The following DAB1 variants were observed in gnomAD, a reference collection of about 807,000 sequenced individuals.
The protein encoded by DAB1 is DAB adaptor protein 1.
DAB1 carries 15 observed loss-of-function variants against 64.6 expected under a neutral mutation model. The observed-to-expected ratio is 0.23, with a 90% CI of 0.16 to 0.36. DAB1 has a LOEUF of 0.36. Among genes scored for constraint, DAB1 ranks in the 10% least tolerant of loss-of-function variants. The pLI is 1.00. For synonymous variants in DAB1, 235 were observed against 251.9 expected (o/e 0.93, Z 0.64); for missense variants, 596 against 706.7 (o/e 0.84, Z 1.78).
chr1:58,304,875 A>G (rs1332495896), intron 4 of DAB1, among the ~76,000 whole-genome samples: 1 of 152,104 alleles, frequency 6.6e-6, no homozygotes, highest in African/African-American at 2.4e-5. Flanking sequence ...CTCTTTTCAC[A>G]TGCATATGTT....
intron 4 of DAB1, among the ~76,000 whole-genome samples, chr1:57,078,836 C>G (rs940986257): frequency 6.6e-6 from 1 of 152,150 alleles, no homozygotes; most frequent in Non-Finnish European, 1.5e-5. Flanking sequence ...TCTTTAATTA[C>G]TTATCCAGAA....
At chr1:57,940,959 T>A (rs1645095852) in intron 5 of DAB1, among the ~76,000 whole-genome samples, 2 of 152,198 alleles carry the variant, frequency 1.3e-5, no homozygotes, top group Admixed American at 6.5e-5. Flanking sequence ...ATGCTTATGA[T>A]CCATCCACTT....
At position 57,668,043 on chromosome 1, in the gene DAB1, T is replaced by A. The variant is rs185583246; in HGVS notation, n.552-18378A>T. 1.5e-3 allele frequency among the ~76,000 whole-genome samples: 231 copies of A among 150,736 alleles called. 2 individuals are homozygous for A. The highest frequency in any genetic ancestry group is 5.4e-3 in the African/African-American group (223 of 41,382). ...CTTAAAGTAAAATTTAAAAAAAAAT[T>A]TTTAAAAAGAAATATGGCTAGTGTG... On this transcript the variant is annotated intron_variant and non_coding_transcript_variant, in intron 6 of 20. Coordinates refer to the DAB1 transcript ENST00000485760.
At chr1:57,052,895 G>C (rs923256071) in intron 9 of DAB1, among the ~76,000 whole-genome samples, 4 of 152,244 alleles carry the variant, frequency 2.6e-5, no homozygotes, top group African/African-American at 9.6e-5. Context: ...ATTTAGCCCA[G>C]ATGTTCACTC....
intron 1 of DAB1, chr1:57,865,015 T>C (rs1319653586): frequency 6.6e-6 from 1 of 152,186 alleles, no homozygotes; most frequent in Non-Finnish European, 1.5e-5. Context: ...AGTTTACTTC[T>C]TGTTTGCAAA....
chr1:57,602,336 A>C (rs1318569857), intron 7 of DAB1, among the ~76,000 whole-genome samples: 1 of 152,196 alleles, frequency 6.6e-6, no homozygotes, highest in Non-Finnish European at 1.5e-5. Flanking sequence ...CATTCACAAG[A>C]GAGTTCAGTT....
intron 7 of DAB1, among the ~76,000 whole-genome samples, chr1:57,628,759 T>C (rs921373609): frequency 1.2e-4 from 18 of 152,230 alleles, no homozygotes; most frequent in African/African-American, 4.3e-4. Flanking sequence ...TTCCAGGTGT[T>C]ACAGCTTATT....
At chr1:58,283,960 A>G (rs1341939792) in intron 4 of DAB1, among the ~76,000 whole-genome samples, 1 of 152,208 alleles carries the variant, frequency 6.6e-6, no homozygotes, top group African/African-American at 2.4e-5. Context: ...TGTGAAAGGC[A>G]CAAATTGATG....
intron 4 of DAB1, among the ~76,000 whole-genome samples, chr1:58,231,025 A>G (rs1271824505): frequency 6.6e-6 from 1 of 152,224 alleles, no homozygotes; most frequent in South Asian, 2.1e-4. Flanking sequence ...TCACTTTGCA[A>G]TGGGGACGAT....
rs529551470 is a variant in DAB1 at position 57,557,845 on chromosome 1, C to T, written n.625+91747G>A. Among the ~76,000 whole-genome samples, 10 of 152,230 alleles carry T rather than the reference C, an allele frequency of 6.6e-5. 1 individual carries two copies. The South Asian group carries it at 2.1e-3, about 32-fold the overall frequency. ...GTTGGTTGCTCCTAAGTTCAGTGGA[C>T]AAAGTGATGAAAGAAAATGATAAAC... On this transcript the variant is annotated intron_variant and non_coding_transcript_variant, in intron 7 of 20. Transcript: ENST00000485760.
intron 1 of DAB1, among the ~76,000 whole-genome samples, chr1:57,302,099 A>G (rs1673710856): frequency 6.6e-6 from 1 of 152,344 alleles, no homozygotes; most frequent in Middle Eastern, 3.4e-3. Flanking sequence ...TAAAATGGAT[A>G]CATGGATGGC....
At chr1:58,490,792 A>ATT (rs1557438593) in intron 3 of DAB1, among the ~76,000 whole-genome samples, 13 of 97,272 alleles carry the variant, frequency 1.3e-4, no homozygotes, top group East Asian at 3.5e-4. Flanking sequence ...AATAGTCAAC[A>ATT]TTCTTTTTTT....
intron 6 of DAB1, among the ~76,000 whole-genome samples, chr1:57,817,557 C>T (rs1056196968): frequency 6.6e-6 from 1 of 152,172 alleles, no homozygotes; most frequent in Non-Finnish European, 1.5e-5. Context: ...ACGAGCAGGT[C>T]ACACTTCTTG....
At chr1:57,026,536 A>G (rs573716675) in intron 9 of DAB1, among the ~76,000 whole-genome samples, 1 of 152,274 alleles carries the variant, frequency 6.6e-6, no homozygotes, top group African/African-American at 2.4e-5. Context: ...ATTTTTACAA[A>G]TAAATAAACT....
intron 4 of DAB1, among the ~76,000 whole-genome samples, chr1:58,177,363 G>A (rs1053187793): frequency 3.3e-5 from 5 of 152,094 alleles, no homozygotes; most frequent in African/African-American, 7.2e-5. Context: ...GAATTAAAAT[G>A]CTCCACAAAT....
At chr1:57,709,662 C>T (rs1647004920) in intron 6 of DAB1, among the ~76,000 whole-genome samples, 1 of 152,042 alleles carries the variant, frequency 6.6e-6, no homozygotes, top group Non-Finnish European at 1.5e-5. Context: ...CGGCAGAATG[C>T]AGGAGATTTT....
At chr1:57,814,063 C>T (rs971528745) in intron 6 of DAB1, among the ~76,000 whole-genome samples, 2 of 152,182 alleles carry the variant, frequency 1.3e-5, no homozygotes, top group African/African-American at 4.8e-5. Context: ...ATGACTAAAG[C>T]ACAATTTATA....
At chr1:58,050,630 C>T (rs1001197293) in intron 5 of DAB1, among the ~76,000 whole-genome samples, 13 of 152,160 alleles carry the variant, frequency 8.5e-5, no homozygotes, top group African/African-American at 1.2e-4. Context: ...CCTGGGTTCA[C>T]GCCATTCTCC....
At chr1:57,425,260 A>C (rs1685237906), upstream of DAB1, among the ~76,000 whole-genome samples, 1 of 152,108 alleles carries the variant, frequency 6.6e-6, no homozygotes, top group Non-Finnish European at 1.5e-5. Context: ...CCTTCCTTAA[A>C]AAGTTTACCG....
Sources: allele counts gnomAD v4.1 joint callset (sites outside exome capture counted in the v4.1 genomes callset), GRCh38; gene constraint gnomAD v4.1.1; transcripts MANE v1.5; gene names NCBI Gene and HGNC (gene_info 2026-07-23, HGNC 2026-07-21).